Variants in PGM5 observed in about 807,000 individuals in gnomAD.
PGM5 encodes phosphoglucomutase 5, also known as phosphoglucomutase-like protein 5.
Under a neutral mutation model 59.2 loss-of-function variants are expected in PGM5, and 23 were observed. The observed-to-expected ratio is 0.39, with a 90% CI of 0.28 to 0.55. The LOEUF is 0.55. Among genes scored for constraint, PGM5 ranks in the 20% least tolerant of loss-of-function variants. PGM5 has a pLI of 0.66. For missense variants in PGM5, 574 were observed against 748.3 expected (o/e 0.77, Z 2.72); for synonymous variants, 214 against 286.0 (o/e 0.75, Z 2.54).
At chr9:68,524,912 T>G (rs1224261226) in intron 10 of PGM5, among the ~76,000 whole-genome samples, 1 of 152,224 alleles carries the variant, frequency 6.6e-6, no homozygotes, top group African/African-American at 2.4e-5. Flanking sequence ...TGGGCTTTAG[T>G]GTCTTCATCT....
intron 6 of PGM5, among the ~76,000 whole-genome samples, chr9:68,425,254 A>C (rs10868795): frequency 0.47 from 71,858 of 152,028 alleles, 17,878 homozygotes; most frequent in South Asian, 0.56. Context: ...GAGGCAACTC[A>C]CTTGATGACA....
intron 10 of PGM5, among the ~76,000 whole-genome samples, chr9:68,524,188 A>T (rs187757844): frequency 1.7e-4 from 26 of 152,292 alleles, no homozygotes; most frequent in African/African-American, 5.8e-4. Context: ...GTGGGTGTGG[A>T]TGCCAAAATA....
chr9:68,390,031 CTT>C (rs1398240014), intron 4 of PGM5, among the ~76,000 whole-genome samples: 1 of 152,064 alleles, frequency 6.6e-6, no homozygotes, highest in East Asian at 1.9e-4. Context: ...TTTCTCTTTA[CTT>C]TTTGTTTATT....
intron 7 of PGM5, among the ~76,000 whole-genome samples, chr9:68,470,563 C>T (rs1482008221): frequency 6.6e-6 from 1 of 152,128 alleles, no homozygotes; most frequent in Non-Finnish European, 1.5e-5. Context: ...TTTTATATTC[C>T]TCAAAAGGTA....
At chr9:68,424,289 G>T (rs1156811586) in intron 6 of PGM5, among the ~76,000 whole-genome samples, 1 of 152,170 alleles carries the variant, frequency 6.6e-6, no homozygotes, top group Non-Finnish European at 1.5e-5. Context: ...ATGAACAACA[G>T]AAATTTATTT....
At chr9:68,423,633 C>T (rs1823183244) in intron 6 of PGM5, among the ~76,000 whole-genome samples, 1 of 93,066 alleles carries the variant, frequency 1.1e-5, no homozygotes. Context: ...CACAAAATCT[C>T]TCTCTCTCTC....
At chr9:68,470,734 T>G (rs572573313) in intron 7 of PGM5, among the ~76,000 whole-genome samples, 1 of 152,304 alleles carries the variant, frequency 6.6e-6, no homozygotes, top group East Asian at 1.9e-4. Context: ...TTTTCTTATT[T>G]GTGGCCAGTG....
At chr9:68,386,830 G>A (rs1554678885) in intron 3 of PGM5, among the ~76,000 whole-genome samples, 1 of 152,020 alleles carries the variant, frequency 6.6e-6, no homozygotes, top group African/African-American at 2.4e-5. Flanking sequence ...TTGGTTACTG[G>A]GTGGTGCTAG....
rs1429132663 is a variant in PGM5, at chr9:68,356,987, G to GGC, written c.-138_-137dup. 1.3e-5 allele frequency: 11 copies of GGC among 866,168 alleles called. No individual in the cohort carries two copies. In the East Asian group the frequency reaches 3.1e-4, roughly 24 times the overall value. The allele number at this position is 866,168 out of a possible 1,614,324, so 53.7% of individuals were successfully genotyped here. On this transcript the variant is annotated 5_prime_UTR_variant, in exon 1 of 11. Transcript: ENST00000396396. ...GCGGTCCCCAGGCGGGCGGGTGCAG[G>GGC]GCGCAGGGCGCCGACCTGCTGGAGA...
At chr9:68,449,732 T>G (rs1176245401) in intron 6 of PGM5, among the ~76,000 whole-genome samples, 1 of 152,224 alleles carries the variant, frequency 6.6e-6, no homozygotes, top group Non-Finnish European at 1.5e-5. Context: ...CCCAGGTTTG[T>G]CTACCCAAGG....
At chr9:68,474,361 C>T (rs1363797313) in intron 7 of PGM5, among the ~76,000 whole-genome samples, 1 of 152,092 alleles carries the variant, frequency 6.6e-6, no homozygotes, top group South Asian at 2.1e-4. Flanking sequence ...GCATGGGATG[C>T]TTTATTGAGC....
intron 6 of PGM5, chr9:68,396,937 G>A (rs1218005825): frequency 6.6e-6 from 1 of 152,262 alleles, no homozygotes; most frequent in Non-Finnish European, 1.5e-5. Flanking sequence ...AGAATAAGGG[G>A]AGGCCTGTAC....
chr9:68,481,481 A>G (rs1386991885), intron 8 of PGM5, among the ~76,000 whole-genome samples: 12 of 152,230 alleles, frequency 7.9e-5, no homozygotes, highest in African/African-American at 2.9e-4. Flanking sequence ...GGCACATGAC[A>G]TTCTTCTATT....
At chr9:68,453,846 G>A (rs1414720106) in intron 6 of PGM5, among the ~76,000 whole-genome samples, 1 of 152,160 alleles carries the variant, frequency 6.6e-6, no homozygotes, top group Admixed American at 6.5e-5. Flanking sequence ...AGCATCTAAG[G>A]CAATATCCTG....
rs782338286 is a variant in PGM5 at position 68,465,080 on chromosome 9, T to C, written c.1044-13T>C. ...AATATATGAATTGACTTTTCTCAAA[T>C]TTCATTTTTCAGAGTGGCCAAATCA... is the stretch of plus-strand genomic sequence containing the variant. On this transcript the variant is annotated splice_polypyrimidine_tract_variant and intron_variant, in intron 6 of 10. Coordinates refer to ENST00000396396, the MANE Select transcript of PGM5 (RefSeq NM_021965.4). 5.9e-6 allele frequency: 9 copies of C among 1,531,948 alleles called. No homozygotes were observed. The highest frequency in any genetic ancestry group is 1.4e-5 in the African/African-American group (1 of 73,006). The allele number at this position is 1,531,948 out of a possible 1,614,324, so 94.9% of individuals were successfully genotyped here.
intron 6 of PGM5, among the ~76,000 whole-genome samples, chr9:68,449,279 TG>T (rs1554684196): frequency 6.6e-6 from 1 of 152,216 alleles, no homozygotes; most frequent in Admixed American, 6.5e-5. Flanking sequence ...TCTATAGCCC[TG>T]GGGCTCTAGC....
chr9:68,413,877 G>C (rs1822978254), intron 6 of PGM5, among the ~76,000 whole-genome samples: 1 of 152,238 alleles, frequency 6.6e-6, no homozygotes, highest in African/African-American at 2.4e-5. Context: ...AAAAGAAATT[G>C]CAAAGGCTAT....
At chr9:68,383,544 G>T (rs1822131807) in intron 2 of PGM5, among the ~76,000 whole-genome samples, 1 of 151,784 alleles carries the variant, frequency 6.6e-6, no homozygotes, top group African/African-American at 2.4e-5. Flanking sequence ...TAAGGATTGA[G>T]ATATTTTAAA....
chr9:68,378,684 A>G (rs1226632207), intron 2 of PGM5, among the ~76,000 whole-genome samples: 5 of 152,216 alleles, frequency 3.3e-5, no homozygotes, highest in Non-Finnish European at 4.4e-5. Flanking sequence ...CATTTTACAC[A>G]TGAACAAATC....
Sources: allele counts gnomAD v4.1 joint callset (sites outside exome capture counted in the v4.1 genomes callset), GRCh38; gene constraint gnomAD v4.1.1; transcripts MANE v1.5; gene names NCBI Gene and HGNC (gene_info 2026-07-23, HGNC 2026-07-21).